OSTF1: variants seen among roughly 807,000 people sequenced by gnomAD.
OSTF1 encodes the protein osteoclast-stimulating factor 1.
In OSTF1, 27 loss-of-function variants were observed where a neutral mutation model predicts 37.2. The ratio of observed to expected loss-of-function variants is 0.73; its 90% CI spans 0.54 to 1.00. The LOEUF is 1.00. OSTF1 is among the 50% of genes least tolerant of loss of function. OSTF1 has a pLI of 0.00. For synonymous variants in OSTF1, 82 were observed against 89.2 expected, an observed-to-expected ratio of 0.92 and a Z score of 0.46; for missense variants, 232 against 253.8, an observed-to-expected ratio of 0.91 and a Z score of 0.58.
intron 1 of OSTF1, among the ~76,000 whole-genome samples, chr9:75,107,629 A>G (rs993977190): frequency 5.9e-5 from 9 of 152,250 alleles, no homozygotes; most frequent in African/African-American, 1.9e-4. Flanking sequence ...GTCTGGAGCA[A>G]TGGCTCCCAA....
At chr9:75,109,077 A>G (rs1046830654) in intron 1 of OSTF1, among the ~76,000 whole-genome samples, 4 of 148,654 alleles carry the variant, frequency 2.7e-5, no homozygotes, top group South Asian at 2.1e-4. Context: ...CTAGAGTGCA[A>G]TCTTGGCTCA....
At chr9:75,118,048 C>T (rs11144239) in intron 2 of OSTF1, among the ~76,000 whole-genome samples, 9,261 of 152,182 alleles carry the variant, frequency 0.061, 384 homozygotes, top group African/African-American at 0.11. Context: ...TGGTCCAGGC[C>T]TTGTGACTAG....
chr9:75,100,985 T>C (rs1415029137), intron 1 of OSTF1, among the ~76,000 whole-genome samples: 1 of 152,200 alleles, frequency 6.6e-6, no homozygotes, highest in East Asian at 1.9e-4. Flanking sequence ...TCCATTCTCT[T>C]GTGCTTCCCT....
chr9:75,119,419 T>G (rs1825542884), intron 2 of OSTF1, among the ~76,000 whole-genome samples: 1 of 152,218 alleles, frequency 6.6e-6, no homozygotes, highest in Non-Finnish European at 1.5e-5. Context: ...ACAACTCTCC[T>G]GTGTTGGTGA....
intron 8 of OSTF1, among the ~76,000 whole-genome samples, chr9:75,139,490 G>A (rs150388106): frequency 0.032 from 4,921 of 152,016 alleles, 260 homozygotes; most frequent in African/African-American, 0.11. Flanking sequence ...GTGCAGTGGC[G>A]CAATCTTGGC....
intron 1 of OSTF1, among the ~76,000 whole-genome samples, chr9:75,091,579 G>C (rs994397533): frequency 6.6e-6 from 1 of 152,190 alleles, no homozygotes; most frequent in Admixed American, 6.5e-5. Flanking sequence ...CTGCAGGCAA[G>C]CTGCATGGAT....
rs752955217 is a variant in OSTF1 at position 75,146,774 on chromosome 9, T to G, written c.*33T>G. ...CTGGAGCTTTGAGATCTAAAACTTCTGTTGCTTTTGCCATTCCAAAACTTT... is the reference window on the plus strand; with the variant it reads ...CTGGAGCTTTGAGATCTAAAACTTCGGTTGCTTTTGCCATTCCAAAACTTT... On this transcript the variant is annotated 3_prime_UTR_variant, in exon 10 of 10. Coordinates refer to ENST00000346234, the MANE Select transcript of OSTF1 (RefSeq NM_012383.5). 6.6e-7 allele frequency: 1 copy of G among 1,509,818 alleles called. No homozygotes were observed. The highest frequency in any genetic ancestry group is 1.2e-5 in the South Asian group (1 of 85,098). 93.5% of individuals were successfully genotyped at this position (1,509,818 alleles called of 1,614,324 possible).
chr9:75,134,444 T>G, intron 7 of OSTF1, 49 bp downstream of exon 7: 1 of 963,564 alleles, frequency 1.0e-6, no homozygotes, highest in South Asian at 1.4e-5. Context: ...GCTTGTTGTC[T>G]TTAGTACAGA....
chr9:75,141,981 C>T (rs1396646494), intron 9 of OSTF1, among the ~76,000 whole-genome samples: 1 of 152,176 alleles, frequency 6.6e-6, no homozygotes, highest in East Asian at 1.9e-4. Flanking sequence ...CTCATGGACT[C>T]AAGCCATCCT....
intron 2 of OSTF1, among the ~76,000 whole-genome samples, chr9:75,118,831 T>C (rs1416032918): frequency 6.6e-6 from 1 of 152,134 alleles, no homozygotes; most frequent in Non-Finnish European, 1.5e-5. Context: ...TTCAATTATC[T>C]CCCACCAGGT....
At chr9:75,097,569 T>C (rs1825109107) in intron 1 of OSTF1, among the ~76,000 whole-genome samples, 1 of 152,176 alleles carries the variant, frequency 6.6e-6, no homozygotes, top group South Asian at 2.1e-4. Flanking sequence ...TGGCCATTCA[T>C]GAACAACCAC....
intron 2 of OSTF1, among the ~76,000 whole-genome samples, chr9:75,119,704 C>G (rs1008944484): frequency 6.6e-6 from 1 of 152,164 alleles, no homozygotes; most frequent in Non-Finnish European, 1.5e-5. Context: ...CGGTGGCTCA[C>G]GCCTGTAATC....
At chr9:75,115,060 G>A (rs1248110006) in intron 1 of OSTF1, among the ~76,000 whole-genome samples, 1 of 152,092 alleles carries the variant, frequency 6.6e-6, no homozygotes, top group Non-Finnish European at 1.5e-5. Context: ...CTATATAAAC[G>A]CATGTGGATT....
rs956152424 is a variant in OSTF1 at position 75,098,456 on chromosome 9, A to G, written c.34+9730A>G. 1.1e-4 allele frequency among the ~76,000 whole-genome samples: 16 copies of G among 152,296 alleles called. No homozygotes were observed. In the South Asian group the frequency reaches 2.1e-3, roughly 20 times the overall value. ...TTCTTTTCTTGTAGCTGTCTAGAGA[A>G]AGAGAACACTGGGGTCTCCCTGCAG... On this transcript the variant is annotated intron_variant, in intron 1 of 9. Coordinates refer to ENST00000346234, the MANE Select transcript of OSTF1 (RefSeq NM_012383.5).
At chr9:75,116,942 TCCCACAGG>T (rs915942395) in intron 1 of OSTF1, among the ~76,000 whole-genome samples, 1 of 152,140 alleles carries the variant, frequency 6.6e-6, no homozygotes, top group Non-Finnish European at 1.5e-5. Flanking sequence ...AATACCATTC[TCCCACAGG>T]CTTTTTTTTT....
chr9:75,119,019 G>T lies in OSTF1; in HGVS notation c.81+1469G>T, dbSNP rs374667554. Among the ~76,000 whole-genome samples, 93 of 152,332 alleles carry T rather than the reference G, an allele frequency of 6.1e-4. No individual in the cohort carries two copies. The East Asian group carries it at 0.017, about 28-fold the overall frequency. ...CTTGCTGCCCGCTTCACCTGGGTTT[G>T]CCCCAGACCCTGCTGTCCCCAAAGT... On this transcript the variant is annotated intron_variant, in intron 2 of 9. Transcript: ENST00000346234.
chr9:75,103,432 C>A (rs951422024), intron 1 of OSTF1, among the ~76,000 whole-genome samples: 1 of 152,152 alleles, frequency 6.6e-6, no homozygotes, highest in African/African-American at 2.4e-5. Flanking sequence ...ATAAGTATGA[C>A]TCATAGTTCT....
intron 2 of OSTF1, among the ~76,000 whole-genome samples, chr9:75,121,869 T>C (rs949592284): frequency 1.3e-5 from 2 of 152,136 alleles, no homozygotes; most frequent in African/African-American, 4.8e-5. Context: ...TGCTGGCATG[T>C]GCAGCTCCCC....
chr9:75,089,098 C>T (rs762096933), intron 1 of OSTF1, among the ~76,000 whole-genome samples: 1 of 152,036 alleles, frequency 6.6e-6, no homozygotes, highest in South Asian at 2.1e-4. Flanking sequence ...TTAGCCACTT[C>T]CTCTTTTCTC....
Sources: allele counts gnomAD v4.1 joint callset (sites outside exome capture counted in the v4.1 genomes callset), GRCh38; gene constraint gnomAD v4.1.1; transcripts MANE v1.5; gene names NCBI Gene and HGNC (gene_info 2026-07-23, HGNC 2026-07-21).